The following CCDC83 variants were observed in gnomAD, a reference collection of about 807,000 sequenced individuals.
CCDC83 encodes the protein coiled-coil domain-containing protein 83.
Under a neutral mutation model 50.1 loss-of-function variants are expected in CCDC83, and 54 were observed. The ratio of observed to expected loss-of-function variants is 1.08; its 90% CI spans 0.87 to 1.35. The LOEUF is 1.35. Ranked by LOEUF, CCDC83 falls within the 40% of genes most tolerant of loss-of-function variation. CCDC83 has a pLI of 0.00. For synonymous variants in CCDC83, 161 were observed against 153.3 expected (o/e 1.05, Z -0.37); for missense variants, 518 against 473.9 (o/e 1.09, Z -0.86).
At chr11:85,908,608 TAG>T (rs1189804934) in intron 7 of CCDC83, among the ~76,000 whole-genome samples, 1 of 133,178 alleles carries the variant, frequency 7.5e-6, no homozygotes, top group African/African-American at 2.8e-5. Context: ...GATAGATAGA[TAG>T]ACAGATAGAA....
At chr11:85,878,893 C>T (rs1414675443) in intron 3 of CCDC83, among the ~76,000 whole-genome samples, 1 of 152,088 alleles carries the variant, frequency 6.6e-6, no homozygotes, top group Non-Finnish European at 1.5e-5. Flanking sequence ...GTAGTAATAT[C>T]TTAGTGTGGT....
chr11:85,860,786 A>G (rs928199876), intron 1 of CCDC83, among the ~76,000 whole-genome samples: 12 of 152,248 alleles, frequency 7.9e-5, no homozygotes, highest in Non-Finnish European at 1.3e-4. Context: ...CACATACACC[A>G]TGGAATGCTA....
At chr11:85,893,559 T>C (rs1055448186) in intron 5 of CCDC83, among the ~76,000 whole-genome samples, 1 of 152,256 alleles carries the variant, frequency 6.6e-6, no homozygotes, top group Non-Finnish European at 1.5e-5. Context: ...AAGATTAGTC[T>C]GTGGCCTGTT....
Position 85,879,899 on chromosome 11 carries a change from A to T in CCDC83, c.181-2614A>T, listed in dbSNP as rs989411283. ...CCAAAGTGTTGGAATTACAGGCGTG[A>T]GCCACCGCGCCCTGCCTTGTGTGCG... On this transcript the variant is annotated intron_variant, in intron 3 of 10. Transcript: ENST00000342404. 5.3e-5 allele frequency among the ~76,000 whole-genome samples: 8 copies of T among 152,166 alleles called. No homozygotes were observed. In the East Asian group the frequency reaches 1.5e-3, roughly 29 times the overall value.
chr11:85,916,100 T>C lies in CCDC83; in HGVS notation c.947T>C (p.Ile316Thr), dbSNP rs2093476017. Residue 316 changes from isoleucine (I) to threonine (T), a missense_variant, in exon 10 of 11, where the codon ATC becomes ACC. By Grantham distance (89) the Ile-to-Thr change is moderately conservative. Coordinates refer to ENST00000342404, the MANE Select transcript of CCDC83 (RefSeq NM_001286159.2). ...DLMSSSDEST[I>T]LHLSHENSIE... ...ATGTCCTCATCAGATGAGAGCACTA[T>C]CTTACATCTTAGTCATGAAAATAGC... 2.5e-6 allele frequency: 4 copies of C among 1,613,100 alleles called. No homozygotes were observed. The highest frequency in any genetic ancestry group is 3.3e-4 in the Middle Eastern group (2 of 6,078).
chr11:85,899,717 T>G (rs191690090), intron 7 of CCDC83, among the ~76,000 whole-genome samples: 1 of 152,234 alleles, frequency 6.6e-6, no homozygotes, highest in Non-Finnish European at 1.5e-5. Flanking sequence ...TCTTTTCAAC[T>G]ATATTTCCAT....
chr11:85,857,229 C>T (rs564442529), intron 1 of CCDC83, among the ~76,000 whole-genome samples: 6 of 152,194 alleles, frequency 3.9e-5, no homozygotes, highest in African/African-American at 7.2e-5. Flanking sequence ...TCGAAGGGCA[C>T]GCGCATCACC....
intron 5 of CCDC83, among the ~76,000 whole-genome samples, chr11:85,892,860 T>A (rs1255849265): frequency 6.6e-6 from 1 of 152,246 alleles, no homozygotes; most frequent in East Asian, 1.9e-4. Flanking sequence ...GCAGGCTGTA[T>A]AAACAGGAAT....
chr11:85,917,115 G>A (rs1592205680), intron 10 of CCDC83, among the ~76,000 whole-genome samples: 1 of 110,132 alleles, frequency 9.1e-6, no homozygotes. Flanking sequence ...TGAAAAGAAA[G>A]AAAGAAAAAA....
At chr11:85,897,977 T>C (rs576556514) in intron 6 of CCDC83, among the ~76,000 whole-genome samples, 2 of 152,104 alleles carry the variant, frequency 1.3e-5, no homozygotes, top group Non-Finnish European at 2.9e-5. Context: ...GCCAACATGG[T>C]GAAACCCCAT....
At chr11:85,882,205 T>C (rs567765874) in intron 3 of CCDC83, among the ~76,000 whole-genome samples, 2 of 152,340 alleles carry the variant, frequency 1.3e-5, no homozygotes, top group Admixed American at 6.5e-5. Flanking sequence ...ATTGTCATTT[T>C]TCATTTAGTT....
At chr11:85,856,815 C>A (rs183647042) in intron 1 of CCDC83, among the ~76,000 whole-genome samples, 13 of 152,276 alleles carry the variant, frequency 8.5e-5, no homozygotes, top group African/African-American at 2.6e-4. Flanking sequence ...TATACATAAT[C>A]AATATGAAAA....
chr11:85,915,378 T>C, intron 8 of CCDC83, 41 bp from the exon 9 acceptor site: 1 of 1,404,412 alleles, frequency 7.1e-7, no homozygotes, highest in East Asian at 2.3e-5. Context: ...CAATGCAATA[T>C]TTATTGACTG....
intron 3 of CCDC83, among the ~76,000 whole-genome samples, chr11:85,874,055 T>A (rs1202531645): frequency 6.6e-6 from 1 of 152,238 alleles, no homozygotes; most frequent in East Asian, 1.9e-4. Flanking sequence ...TACAGCTTAC[T>A]GCTGATGTCA....
At chr11:85,915,615 A>G (rs2093474030) in intron 9 of CCDC83, 117 bp downstream of exon 9, 2 of 663,514 alleles carry the variant, frequency 3.0e-6, no homozygotes, top group Admixed American at 3.0e-5. Context: ...CAGAGAATAG[A>G]CACCTGCCAG....
intron 5 of CCDC83, among the ~76,000 whole-genome samples, chr11:85,888,266 T>A (rs2093336225): frequency 2.0e-5 from 3 of 152,250 alleles, no homozygotes; most frequent in African/African-American, 7.2e-5. Context: ...ACAGTATGCA[T>A]GAGGATACCT....
At position 85,919,543 on chromosome 11, in the gene CCDC83, C is replaced by T. The variant is rs373057191; in HGVS notation, c.*33C>T. The T allele has an allele frequency of 1.3e-6, 2 of 1,539,714 alleles. No individual in the cohort carries two copies. The highest frequency in any genetic ancestry group is 1.8e-6 in the Non-Finnish European group (2 of 1,129,602). On this transcript the variant is annotated 3_prime_UTR_variant, in exon 11 of 11. Transcript: ENST00000342404. ...AGCTGCAAAGGAAACACAACTTTTCCTTATAAATGTTCTTTGGGAACTGAA... is the reference window on the plus strand; with the variant it reads ...AGCTGCAAAGGAAACACAACTTTTCTTTATAAATGTTCTTTGGGAACTGAA...
At chr11:85,890,075 A>T (rs1019537003) in intron 5 of CCDC83, among the ~76,000 whole-genome samples, 5 of 152,198 alleles carry the variant, frequency 3.3e-5, no homozygotes, top group African/African-American at 9.6e-5. Context: ...AGGAGCAGGT[A>T]AAAGGTAATT....
chr11:85,877,546 T>C (rs1207413312), intron 3 of CCDC83, among the ~76,000 whole-genome samples: 1 of 152,154 alleles, frequency 6.6e-6, no homozygotes, highest in Admixed American at 6.5e-5. Context: ...AGAATAGTCA[T>C]TGTGTTAAAT....
Sources: gnomAD v4.1 joint callset for allele counts (sites outside exome capture counted in the v4.1 genomes callset) on GRCh38, gnomAD v4.1.1 for gene constraint, MANE v1.5 for transcripts, NCBI Gene and HGNC (gene_info 2026-07-23, HGNC 2026-07-21) for gene names.